MAML3: variants seen among roughly 807,000 people sequenced by gnomAD.
The protein encoded by MAML3 is mastermind like transcriptional coactivator 3, also known as mastermind-like protein 3.
MAML3 carries 27 observed loss-of-function variants against 101.9 expected under a neutral mutation model. The ratio of observed to expected loss-of-function variants is 0.27; its 90% confidence interval spans 0.20 to 0.37. The LOEUF (loss-of-function observed/expected upper bound fraction) is 0.37. Among genes scored for constraint, MAML3 ranks in the 10% least tolerant of loss-of-function variants. The probability of loss-of-function intolerance (pLI) is 1.00; values close to 1 mark genes in which losing one functional copy is unlikely to be tolerated. For missense variants in MAML3, 1,316 were observed against 1,444.9 expected (o/e 0.91, Z 1.45); for synonymous variants, 501 against 555.9 (o/e 0.90, Z 1.39).
chr4:140,117,883 A>T (rs889096720), intron 1 of MAML3, among the ~76,000 whole-genome samples: 2 of 152,196 alleles, frequency 1.3e-5, no homozygotes, highest in Non-Finnish European at 2.9e-5. Context: ...AATAGTTCAG[A>T]TTAAGAAGGA....
At chr4:140,048,556 G>C (rs1180958133) in intron 1 of MAML3, among the ~76,000 whole-genome samples, 1 of 152,190 alleles carries the variant, frequency 6.6e-6, no homozygotes, top group Non-Finnish European at 1.5e-5. Flanking sequence ...CCTAAGGTCA[G>C]ATCTACAAAG....
intron 1 of MAML3, among the ~76,000 whole-genome samples, chr4:140,023,004 G>C (rs1279551493): frequency 1.3e-5 from 2 of 152,196 alleles, no homozygotes; most frequent in African/African-American, 4.8e-5. Context: ...AAATAAATCT[G>C]AGAAATGCTG....
At chr4:139,760,174 G>A (rs1729727592) in intron 2 of MAML3, among the ~76,000 whole-genome samples, 1 of 152,222 alleles carries the variant, frequency 6.6e-6, no homozygotes, top group African/African-American at 2.4e-5. Context: ...GGAGTGATAA[G>A]GCACTGTCAC....
chr4:139,777,482 C>T (rs1730114466), intron 2 of MAML3, among the ~76,000 whole-genome samples: 1 of 152,168 alleles, frequency 6.6e-6, no homozygotes, highest in South Asian at 2.1e-4. Flanking sequence ...CAGGAGGAAC[C>T]TTATATTCTC....
intron 1 of MAML3, among the ~76,000 whole-genome samples, chr4:140,054,073 G>A (rs919913331): frequency 1.3e-5 from 2 of 152,076 alleles, no homozygotes; most frequent in African/African-American, 2.4e-5. Flanking sequence ...TTTATGTTCT[G>A]AAAAACAGTA....
At chr4:139,727,677 G>T (rs147387168) in intron 3 of MAML3, among the ~76,000 whole-genome samples, 37 of 152,290 alleles carry the variant, frequency 2.4e-4, no homozygotes, top group African/African-American at 8.7e-4. Flanking sequence ...TTGAACTTTT[G>T]GAGAATACGG....
At chr4:139,957,904 T>C (rs1733942675) in intron 1 of MAML3, among the ~76,000 whole-genome samples, 1 of 152,242 alleles carries the variant, frequency 6.6e-6, no homozygotes, top group African/African-American at 2.4e-5. Context: ...CTCATTAACA[T>C]ATCCGTGACT....
chr4:140,068,941 A>G (rs1394727896), intron 1 of MAML3, among the ~76,000 whole-genome samples: 1 of 152,170 alleles, frequency 6.6e-6, no homozygotes, highest in African/African-American at 2.4e-5. Flanking sequence ...ATTGCAACCA[A>G]ACATTGAAAG....
intron 1 of MAML3, among the ~76,000 whole-genome samples, chr4:140,112,123 C>T (rs1728448145): frequency 6.6e-6 from 1 of 152,120 alleles, no homozygotes; most frequent in Non-Finnish European, 1.5e-5. Context: ...TTGTTTATGT[C>T]ATCAATTTCT....
chr4:139,872,219 A>T (rs73854400), intron 2 of MAML3, among the ~76,000 whole-genome samples: 6,807 of 152,190 alleles, frequency 0.045, 397 homozygotes, highest in African/African-American at 0.14. Context: ...TTTAAAAAAA[A>T]TTTTTTAATC....
intron 1 of MAML3, chr4:140,134,584 C>T (rs148861386): frequency 4.6e-4 from 154 of 333,136 alleles, no homozygotes; most frequent in African/African-American, 2.8e-3. Flanking sequence ...ATATAAACTC[C>T]GATGAGTGAT....
chr4:139,890,681 A>G lies in MAML3; in HGVS notation c.755T>C (p.Ile252Thr). 1.2e-6 allele frequency: 2 copies of G among 1,613,964 alleles called. No homozygotes were observed. Among genetic ancestry groups the G allele is most frequent in the Non-Finnish European group, 1.7e-6 (2 of 1,179,872 alleles). Residue 252 changes from isoleucine to threonine, a missense_variant, in exon 2 of 5, where the codon ATT becomes ACT. Transcript: ENST00000509479. This position sits in a 1 kb window ranked among gnomAD's most constrained non-coding sequence, Gnocchi z 4.1. ...DLSKNGRLPE[I>T]KLPVNGCSDL... is the part of the protein sequence containing the mutation. ...ACTGCAACCGTTGACAGGAAGTTTA[A>G]TCTCAGGGAGCCTACCATTCTTACT...
At chr4:139,720,757 T>C (rs1037089849) in intron 4 of MAML3, among the ~76,000 whole-genome samples, 1 of 152,236 alleles carries the variant, frequency 6.6e-6, no homozygotes, top group African/African-American at 2.4e-5. Context: ...AAGATACTAT[T>C]TTCTTTGGAG....
chr4:139,959,172 A>T (rs548033909), intron 1 of MAML3, among the ~76,000 whole-genome samples: 7 of 152,288 alleles, frequency 4.6e-5, no homozygotes, highest in Admixed American at 2.0e-4. Context: ...ATTTTATTGA[A>T]ATCTCCTAGA....
chr4:139,967,373 A>C (rs1430020266), intron 1 of MAML3, among the ~76,000 whole-genome samples: 2 of 152,086 alleles, frequency 1.3e-5, no homozygotes, highest in Non-Finnish European at 2.9e-5. Flanking sequence ...TCAAGCTGGC[A>C]TTAAAATACA....
chr4:140,094,003 C>G (rs1251324914), intron 1 of MAML3, among the ~76,000 whole-genome samples: 4 of 152,212 alleles, frequency 2.6e-5, no homozygotes, highest in Admixed American at 2.6e-4. Flanking sequence ...TGAGGCTGAG[C>G]CAGAAGAGAC....
intron 1 of MAML3, among the ~76,000 whole-genome samples, chr4:140,021,993 A>G (rs1305088649): frequency 2.4e-4 from 37 of 152,216 alleles, no homozygotes; most frequent in Non-Finnish European, 7.3e-5. Context: ...ATAGCCTACC[A>G]GGACACAGAA....
intron 1 of MAML3, among the ~76,000 whole-genome samples, chr4:140,074,057 G>A (rs1254587582): frequency 6.6e-6 from 1 of 151,700 alleles, no homozygotes; most frequent in Non-Finnish European, 1.5e-5. Context: ...GCTTAAACAC[G>A]GGAGGTGGAG....
At chr4:140,062,866 T>A (rs1269984951) in intron 1 of MAML3, among the ~76,000 whole-genome samples, 1 of 152,244 alleles carries the variant, frequency 6.6e-6, no homozygotes, top group African/African-American at 2.4e-5. Context: ...TCCTTGAGTC[T>A]ACTCATCAGG....
Sources: allele counts gnomAD v4.1 joint callset (sites outside exome capture counted in the v4.1 genomes callset), GRCh38; gene constraint gnomAD v4.1.1; non-coding constraint Gnocchi (gnomAD v3.1); transcripts MANE v1.5; gene names NCBI Gene and HGNC (gene_info 2026-07-23, HGNC 2026-07-21).